WDR7: variants seen among roughly 807,000 people sequenced by gnomAD.
The protein encoded by WDR7 is WD repeat domain 7.
Under a neutral mutation model 169.4 loss-of-function variants are expected in WDR7, and 46 were observed. The observed-to-expected ratio is 0.27, with a 90% confidence interval of 0.21 to 0.35. WDR7 has a LOEUF of 0.35. Ranked by LOEUF, WDR7 falls within the 10% of genes least tolerant of loss-of-function variation. The pLI is 1.00. For synonymous variants in WDR7, 612 were observed against 666.8 expected (o/e 0.92, Z 1.27); for missense variants, 1,534 against 1,859.3 (o/e 0.83, Z 3.22).
chr18:56,718,821 G>A (rs192996675), intron 13 of WDR7, among the ~76,000 whole-genome samples: 178 of 152,214 alleles, frequency 1.2e-3, no homozygotes, highest in Admixed American at 3.8e-3. Flanking sequence ...AGTTATTAAA[G>A]TCTTTCTTTT....
intron 12 of WDR7, among the ~76,000 whole-genome samples, chr18:56,716,105 A>G (rs1172301877): frequency 1.3e-5 from 2 of 151,272 alleles, no homozygotes; most frequent in Non-Finnish European, 2.9e-5. Context: ...AAATTTAACT[A>G]TTTTTGTAGT....
At chr18:56,762,340 T>C (rs1394919759) in intron 16 of WDR7, among the ~76,000 whole-genome samples, 1 of 152,050 alleles carries the variant, frequency 6.6e-6, no homozygotes, top group East Asian at 1.9e-4. Flanking sequence ...CATGAAGAGT[T>C]TGTATAAGAT....
Position 56,679,418 on chromosome 18 carries a change from T to C in WDR7, c.246T>C (p.Ile82=). The C allele has an allele frequency of 6.2e-7, 1 of 1,606,952 alleles. No homozygotes were observed. The highest frequency in any genetic ancestry group is 2.2e-5 in the East Asian group (1 of 44,684). Residue 82 remains isoleucine, a synonymous_variant, in exon 3 of 28, where the codon ATT becomes ATC. Transcript: ENST00000254442. ...KACASSDKQY[I]VSASESGEMC... is the part of the protein sequence containing the mutation. ...GTGCTTCCAGTGACAAACAGTATAT[T>C]GTGAGTGCATCTGAAAGTGGGTAAG...
intron 21 of WDR7, among the ~76,000 whole-genome samples, chr18:56,923,224 A>G (rs1385469209): frequency 1.3e-5 from 2 of 152,240 alleles, no homozygotes; most frequent in Non-Finnish European, 2.9e-5. Flanking sequence ...TTGTGGCTTA[A>G]TAGCCACTAG....
chr18:56,742,412 T>G (rs1337117526), intron 14 of WDR7, among the ~76,000 whole-genome samples: 1 of 152,204 alleles, frequency 6.6e-6, no homozygotes, highest in Non-Finnish European at 1.5e-5. Context: ...TAATTTAGTA[T>G]TTTGGGAGAT....
chr18:56,916,713 T>C (rs2046632199), intron 21 of WDR7, among the ~76,000 whole-genome samples: 1 of 152,206 alleles, frequency 6.6e-6, no homozygotes, highest in Non-Finnish European at 1.5e-5. Context: ...GCACCTCTGG[T>C]ATTGTATTAG....
intron 21 of WDR7, among the ~76,000 whole-genome samples, chr18:56,891,952 T>G (rs2046269621): frequency 6.6e-6 from 1 of 152,092 alleles, no homozygotes; most frequent in Admixed American, 6.6e-5. Flanking sequence ...ATGGAAGTTT[T>G]GGCTACTCAT....
chr18:56,786,832 T>C (rs1321333139), intron 19 of WDR7, among the ~76,000 whole-genome samples: 6 of 151,928 alleles, frequency 3.9e-5, no homozygotes, highest in Admixed American at 3.9e-4. Flanking sequence ...TTAGCATGTT[T>C]GTTGCTTTTA....
chr18:56,987,141 T>C (rs142365525), intron 26 of WDR7, among the ~76,000 whole-genome samples: 11 of 152,228 alleles, frequency 7.2e-5, no homozygotes, highest in African/African-American at 2.6e-4. Context: ...TGGTTTTTGA[T>C]AGCATGAGGT....
chr18:56,680,128 G>A (rs2025324300), intron 3 of WDR7, among the ~76,000 whole-genome samples: 1 of 152,150 alleles, frequency 6.6e-6, no homozygotes, highest in South Asian at 2.1e-4. Flanking sequence ...AGGCTGGGAT[G>A]GGCGGATCAC....
At chr18:57,033,482 T>G (rs893167), downstream of WDR7, 137,596 of 152,294 alleles carry the variant, frequency 0.9, 62,374 homozygotes, top group East Asian at 0.99. Flanking sequence ...CCAGACTCCT[T>G]TGTCAAAGGA....
chr18:57,014,934 A>G (rs2048186657), intron 26 of WDR7, among the ~76,000 whole-genome samples: 1 of 152,180 alleles, frequency 6.6e-6, no homozygotes, highest in Non-Finnish European at 1.5e-5. Flanking sequence ...AGGCTGTCAC[A>G]CTAAGATTGG....
intron 26 of WDR7, among the ~76,000 whole-genome samples, chr18:57,017,443 T>TGTGTGC (rs1491175226): frequency 7.3e-4 from 102 of 139,710 alleles, no homozygotes; most frequent in African/African-American, 2.7e-3. Context: ...TGTGTGTGTG[T>TGTGTGC]GCATGTGTGT....
rs60449836 is a variant in WDR7 at position 56,986,128 on chromosome 18, TTGTGTGTGTGTG to T, written c.4164+23639_4164+23650del. Among the ~76,000 whole-genome samples the T allele has an allele frequency of 1.9e-3, 265 of 136,346 alleles. 1 individual carries two copies. Among genetic ancestry groups the T allele is most frequent in the African/African-American group, 6.2e-3 (226 of 36,584 alleles). 89.4% of individuals were successfully genotyped at this position (136,346 alleles called of 152,430 possible). A position where few individuals can be genotyped will look rare whatever the true frequency, so the allele number is the denominator to read the frequency against. ...TATAATAGAGCTAATTTCAGCTTCT[TTGTGTGTGTGTG>T]TGTGTGTGTGTGTGTGTGTGTGTGT... On this transcript the variant is annotated intron_variant, in intron 26 of 27. Transcript: ENST00000254442.
At chr18:56,758,300 G>C (rs1233656226) in intron 15 of WDR7, among the ~76,000 whole-genome samples, 1 of 152,046 alleles carries the variant, frequency 6.6e-6, no homozygotes, top group Non-Finnish European at 1.5e-5. Context: ...AAACTAATTT[G>C]TTAGTTCCCT....
intron 25 of WDR7, among the ~76,000 whole-genome samples, chr18:56,955,200 T>C (rs574322300): frequency 8.2e-4 from 125 of 152,292 alleles, no homozygotes; most frequent in Non-Finnish European, 1.4e-3. Context: ...TAATTATAGA[T>C]GTTACTTCTA....
chr18:57,014,383 C>CCA (rs2048179227), intron 26 of WDR7, among the ~76,000 whole-genome samples: 1 of 147,430 alleles, frequency 6.8e-6, no homozygotes, highest in South Asian at 2.2e-4. Context: ...CATCTTGAGG[C>CCA]CAGGTGCTCA....
intron 26 of WDR7, among the ~76,000 whole-genome samples, chr18:56,977,417 T>G (rs2047583887): frequency 6.6e-6 from 1 of 152,200 alleles, no homozygotes; most frequent in Non-Finnish European, 1.5e-5. Context: ...TCTGGCATCC[T>G]GAATAGAGGC....
At chr18:56,854,742 G>A (rs908837223) in intron 20 of WDR7, among the ~76,000 whole-genome samples, 2 of 152,132 alleles carry the variant, frequency 1.3e-5, no homozygotes, top group African/African-American at 4.8e-5. Context: ...AGACAAAGTA[G>A]GTGAGGGAAT....
Sources: allele counts gnomAD v4.1 joint callset (sites outside exome capture counted in the v4.1 genomes callset), GRCh38; gene constraint gnomAD v4.1.1; transcripts MANE v1.5; gene names NCBI Gene and HGNC (gene_info 2026-07-23, HGNC 2026-07-21).